The following TIAM2 variants were observed in gnomAD, a reference collection of about 807,000 sequenced individuals.
The protein encoded by TIAM2 is TIAM Rac1 associated GEF 2.
Under a neutral mutation model 152.9 loss-of-function variants are expected in TIAM2, and 80 were observed. The observed-to-expected ratio is 0.52, with a 90% confidence interval of 0.44 to 0.63. The LOEUF is 0.63. TIAM2 is among the 30% of genes least tolerant of loss of function. The pLI, the probability that TIAM2 is intolerant of heterozygous loss-of-function variation, is 0.00. For synonymous variants in TIAM2, 804 were observed against 838.0 expected (o/e 0.96, Z 0.70); for missense variants, 1,965 against 2,120.1 (o/e 0.93, Z 1.44).
chr6:155,090,773 G>A (rs552230406), intron 2 of TIAM2, among the ~76,000 whole-genome samples: 2 of 152,178 alleles, frequency 1.3e-5, no homozygotes, highest in South Asian at 4.2e-4. Flanking sequence ...GCTTGAGAAC[G>A]CAGAGAGCAT....
chr6:155,163,976 T>TTTTA (rs1416957915), intron 7 of TIAM2, among the ~76,000 whole-genome samples: 1 of 151,502 alleles, frequency 6.6e-6, no homozygotes. Flanking sequence ...GTTTTTTTTT[T>TTTTA]TGAGACGGAG....
At position 155,160,188 on chromosome 6, in the gene TIAM2, G is replaced by A. The variant is rs146533784; in HGVS notation, c.2029-4227G>A. On this transcript the variant is annotated intron_variant, in intron 7 of 26. Coordinates refer to ENST00000682666, the MANE Select transcript of TIAM2 (RefSeq NM_012454.4). The stretch of plus-strand genomic sequence containing the variant: ...CATGAGAATGAAGACAGCTGATGGT[G>A]TAGTTCTAGGCTGAAGACTGGTAGG... Among the ~76,000 whole-genome samples, 14 of 152,306 alleles carry A rather than the reference G, an allele frequency of 9.2e-5. 1 individual carries two copies. The highest frequency in any genetic ancestry group is 3.9e-4 in the East Asian group (2 of 5,178).
At chr6:155,150,782 G>A (rs183565335) in intron 7 of TIAM2, among the ~76,000 whole-genome samples, 14 of 152,142 alleles carry the variant, frequency 9.2e-5, no homozygotes, top group Admixed American at 2.6e-4. Context: ...ATTCTAGCAT[G>A]ACATGAGGAG....
At chr6:155,029,203 CTA>C (rs1360591949) in intron 1 of TIAM2, among the ~76,000 whole-genome samples, 1 of 105,268 alleles carries the variant, frequency 9.5e-6, no homozygotes, top group African/African-American at 3.4e-5. Flanking sequence ...ACTGTATGTA[CTA>C]TGTGTTATAT....
intron 1 of TIAM2, among the ~76,000 whole-genome samples, chr6:155,028,504 CAT>C (rs550706175): frequency 7.6e-6 from 1 of 130,822 alleles, no homozygotes; most frequent in Non-Finnish European, 1.6e-5. Flanking sequence ...TACTGTGTTA[CAT>C]ATATACTACA....
At chr6:155,149,494 T>G (rs1562332825) in intron 7 of TIAM2, among the ~76,000 whole-genome samples, 2 of 152,232 alleles carry the variant, frequency 1.3e-5, no homozygotes, top group African/African-American at 2.4e-5. Flanking sequence ...ACACAACAAT[T>G]TAGACATAGT....
intron 1 of TIAM2, among the ~76,000 whole-genome samples, chr6:155,078,712 T>A (rs1022320810): frequency 6.6e-6 from 1 of 152,224 alleles, no homozygotes; most frequent in Non-Finnish European, 1.5e-5. Flanking sequence ...TGGCAGGCAA[T>A]CTTTCCTGCT....
intron 14 of TIAM2, among the ~76,000 whole-genome samples, chr6:155,206,250 G>T (rs896001602): frequency 4.6e-5 from 7 of 152,066 alleles, no homozygotes; most frequent in African/African-American, 1.4e-4. Flanking sequence ...CCACAGCATG[G>T]TTTTTTTGTT....
At chr6:155,011,975 T>G (rs1778496899) in intron 1 of TIAM2, among the ~76,000 whole-genome samples, 1 of 152,212 alleles carries the variant, frequency 6.6e-6, no homozygotes, top group Admixed American at 6.5e-5. Flanking sequence ...TTGAGATAGC[T>G]TCCATGTAGG....
At chr6:155,247,971 T>C in intron 19 of TIAM2, 29 bp from the exon 20 acceptor site, 1 of 1,608,692 alleles carries the variant, frequency 6.2e-7, no homozygotes, top group Non-Finnish European at 8.5e-7. Flanking sequence ...ACTGTGCTCT[T>C]CTGAGGTCTT....
At chr6:154,996,141 A>G (rs1157777251) in intron 1 of TIAM2, among the ~76,000 whole-genome samples, 2 of 152,218 alleles carry the variant, frequency 1.3e-5, no homozygotes, top group African/African-American at 4.8e-5. Flanking sequence ...TTTACCAAAA[A>G]CAGTTCAGAA....
intron 1 of TIAM2, among the ~76,000 whole-genome samples, chr6:155,041,806 C>T (rs1015173930): frequency 6.6e-6 from 1 of 152,120 alleles, no homozygotes; most frequent in Non-Finnish European, 1.5e-5. Flanking sequence ...GTTCGCGTTG[C>T]CAGTGCGATG....
At chr6:155,216,284 C>T (rs896348883) in intron 15 of TIAM2, among the ~76,000 whole-genome samples, 1 of 152,188 alleles carries the variant, frequency 6.6e-6, no homozygotes. Context: ...CCTAGCCCAA[C>T]TGGTCTTCTC....
chr6:155,050,637 C>T (rs1282236230), intron 1 of TIAM2, among the ~76,000 whole-genome samples: 1 of 152,208 alleles, frequency 6.6e-6, no homozygotes, highest in Non-Finnish European at 1.5e-5. Context: ...TTCTCATTTC[C>T]TTGCAGTGAC....
intron 7 of TIAM2, among the ~76,000 whole-genome samples, chr6:155,159,681 C>T (rs1034088105): frequency 1.3e-5 from 2 of 152,096 alleles, no homozygotes; most frequent in Non-Finnish European, 2.9e-5. Context: ...ACCCGAGCTT[C>T]TGAATCAGGG....
chr6:155,110,497 G>C (rs1778815567), intron 2 of TIAM2, among the ~76,000 whole-genome samples: 1 of 152,098 alleles, frequency 6.6e-6, no homozygotes, highest in Admixed American at 6.6e-5. Flanking sequence ...GTGACCATCA[G>C]CTCTCTGACT....
intron 7 of TIAM2, 144 bp downstream of exon 7, chr6:155,148,478 T>G: frequency 2.3e-6 from 2 of 879,420 alleles, no homozygotes; most frequent in Admixed American, 2.7e-5. Flanking sequence ...TTTCTGTGGT[T>G]TTTCATTTTA....
At position 155,249,155 on chromosome 6, in the gene TIAM2, G is replaced by GA. The variant is rs202176568; in HGVS notation, c.3833-688dup. ...TTAGAATTAAAATGCTGAATTGGGA[G>GA]AAAAAAAAGTATAAAGAATACTGAA... On this transcript the variant is annotated intron_variant, in intron 20 of 26. Transcript: ENST00000682666. 2.8e-3 allele frequency among the ~76,000 whole-genome samples: 428 copies of GA among 151,826 alleles called. 1 individual carries two copies. The highest frequency in any genetic ancestry group is 3.3e-3 in the Non-Finnish European group (225 of 67,892).
At chr6:155,222,555 T>A (rs1782084649) in intron 15 of TIAM2, among the ~76,000 whole-genome samples, 1 of 150,484 alleles carries the variant, frequency 6.6e-6, no homozygotes, top group African/African-American at 2.5e-5. Flanking sequence ...GAGCCAAGAC[T>A]GCACCACTGT....
Sources: gnomAD v4.1 joint callset for allele counts (sites outside exome capture counted in the v4.1 genomes callset) on GRCh38, gnomAD v4.1.1 for gene constraint, MANE v1.5 for transcripts, NCBI Gene and HGNC (gene_info 2026-07-23, HGNC 2026-07-21) for gene names.